NCOR1: variants seen among roughly 807,000 people sequenced by gnomAD.
The protein encoded by NCOR1 is protein phosphatase 1, regulatory subunit 109.
A neutral mutation model predicts 288.1 loss-of-function variants in NCOR1; 63 were observed. The observed-to-expected ratio is 0.22, with a 90% CI of 0.18 to 0.27. The LOEUF (loss-of-function observed/expected upper bound fraction) is 0.27, where lower values mean the gene tolerates loss of function less well. Ranked by LOEUF, NCOR1 falls within the 10% of genes least tolerant of loss-of-function variation. The pLI, the probability that NCOR1 is intolerant of heterozygous loss-of-function variation, is 1.00. For missense variants in NCOR1, 2,397 were observed against 3,019.2 expected, an observed-to-expected ratio of 0.79 and a Z score of 4.83; for synonymous variants, 1,007 against 1,065.9, an observed-to-expected ratio of 0.94 and a Z score of 1.08.
At position 16,149,292 on chromosome 17, in the gene NCOR1, C is replaced by CATATATATATATATAT. The variant is rs34511605; in HGVS notation, c.909+143_909+158dup. On this transcript the variant is annotated intron_variant, in intron 9 of 45. Coordinates refer to ENST00000268712, the MANE Select transcript of NCOR1 (RefSeq NM_006311.4). ...AATGTTACTAGAATTAGATTTAAGT[C>CATATATATATATATAT]ATATATATATATATATATATATATG... Among the ~76,000 whole-genome samples the CATATATATATATATAT allele has an allele frequency of 3.8e-3, 522 of 137,884 alleles. 5 individuals are homozygous for CATATATATATATATAT. The highest frequency in any genetic ancestry group is 0.013 in the African/African-American group (484 of 37,108). The allele number at this position is 137,884 out of a possible 152,430, so 90.5% of individuals were successfully genotyped here. A position where few individuals can be genotyped will look rare whatever the true frequency, so the allele number is the denominator to read the frequency against.
At chr17:16,201,326 C>CAGTG (rs2090774276) in intron 1 of NCOR1, among the ~76,000 whole-genome samples, 1 of 152,132 alleles carries the variant, frequency 6.6e-6, no homozygotes, top group South Asian at 2.1e-4. Flanking sequence ...TGGCCAGGCA[C>CAGTG]AGTGGCTCAC....
At chr17:16,051,640 G>A (rs1460177728) in intron 40 of NCOR1, among the ~76,000 whole-genome samples, 3 of 152,064 alleles carry the variant, frequency 2.0e-5, no homozygotes, top group Non-Finnish European at 2.9e-5. Flanking sequence ...CAGGGGGCGC[G>A]GTGGCTCACA....
intron 26 of NCOR1, among the ~76,000 whole-genome samples, chr17:16,078,298 G>C (rs1170165646): frequency 6.6e-6 from 1 of 152,180 alleles, no homozygotes. Flanking sequence ...AAAGCGATAA[G>C]AGACATACAC....
chr17:16,067,473 G>A (rs1326707613), intron 32 of NCOR1, among the ~76,000 whole-genome samples: 1 of 152,180 alleles, frequency 6.6e-6, no homozygotes, highest in African/African-American at 2.4e-5. Context: ...TTAAAAAAAA[G>A]AATTTCTTTT....
At chr17:16,068,619 A>G (rs961238658) in intron 31 of NCOR1, among the ~76,000 whole-genome samples, 1 of 150,060 alleles carries the variant, frequency 6.7e-6, no homozygotes, top group South Asian at 2.1e-4. Flanking sequence ...TCACCTCCCT[A>G]CTCCAGCCTC....
intron 21 of NCOR1, among the ~76,000 whole-genome samples, chr17:16,093,159 T>C (rs2065719845): frequency 6.6e-6 from 1 of 152,234 alleles, no homozygotes; most frequent in African/African-American, 2.4e-5. Context: ...TCAGAACTTA[T>C]GTTAAAGGGA....
intron 14 of NCOR1, among the ~76,000 whole-genome samples, chr17:16,127,713 G>GTA (rs376911267): frequency 7.3e-6 from 1 of 137,032 alleles, no homozygotes; most frequent in Non-Finnish European, 1.6e-5. Context: ...ATATGTGTGT[G>GTA]TATATATACA....
At chr17:16,167,140 G>T (rs1271260475) in intron 4 of NCOR1, among the ~76,000 whole-genome samples, 4 of 152,172 alleles carry the variant, frequency 2.6e-5, no homozygotes, top group African/African-American at 9.7e-5. Context: ...CTTCAAAAGT[G>T]CTCCTCAGGT....
At chr17:16,149,618 T>G in intron 8 of NCOR1, 101 bp from the exon 9 acceptor site, 1 of 476,570 alleles carries the variant, frequency 2.1e-6, no homozygotes. Context: ...CAAAGATCAC[T>G]TAAGAATTTA....
chr17:16,145,668 G>A (rs1383710534), intron 10 of NCOR1, among the ~76,000 whole-genome samples: 1 of 152,092 alleles, frequency 6.6e-6, no homozygotes, highest in East Asian at 1.9e-4. Context: ...CCCCTTCCGG[G>A]AGGTGGGGGG....
chr17:16,078,944 T>C (rs1395255099), intron 26 of NCOR1, among the ~76,000 whole-genome samples: 1 of 152,200 alleles, frequency 6.6e-6, no homozygotes, highest in Non-Finnish European at 1.5e-5. Flanking sequence ...CACAAGGAAG[T>C]AGTATGTAAA....
chr17:16,055,470 A>G (rs895843059), intron 40 of NCOR1, among the ~76,000 whole-genome samples: 6 of 152,236 alleles, frequency 3.9e-5, no homozygotes, highest in Admixed American at 3.9e-4. Context: ...CGGGAGCTAA[A>G]TGGTGAGAAC....
intron 3 of NCOR1, among the ~76,000 whole-genome samples, chr17:16,182,026 AT>A (rs1317154940): frequency 1.1e-4 from 17 of 152,212 alleles, no homozygotes; most frequent in African/African-American, 2.7e-4. Context: ...ATCAAAAAAA[AT>A]AATTTTAGAT....
intron 11 of NCOR1, among the ~76,000 whole-genome samples, chr17:16,142,302 C>T (rs929293176): frequency 6.6e-6 from 1 of 152,044 alleles, no homozygotes; most frequent in Admixed American, 6.6e-5. Flanking sequence ...TTTTGCAAAT[C>T]GAGTATTAAC....
At chr17:16,096,052 T>C (rs1383279489) in intron 21 of NCOR1, among the ~76,000 whole-genome samples, 1 of 152,144 alleles carries the variant, frequency 6.6e-6, no homozygotes, top group Non-Finnish European at 1.5e-5. Context: ...CTCTGAAACA[T>C]GTGCTGTGTC....
intron 10 of NCOR1, 92 bp downstream of exon 10, chr17:16,146,284 A>G (rs1248922729): frequency 1.7e-6 from 2 of 1,169,248 alleles, no homozygotes; most frequent in African/African-American, 3.1e-5. Context: ...ACACCCAAGA[A>G]TGATCAATAC....
intron 2 of NCOR1, among the ~76,000 whole-genome samples, chr17:16,191,466 T>G (rs2088274777): frequency 6.6e-6 from 1 of 152,210 alleles, no homozygotes; most frequent in Non-Finnish European, 1.5e-5. Flanking sequence ...AATGTTCATA[T>G]TCTCATCAAA....
At chr17:16,215,112 G>A (rs930273609) in intron 1 of NCOR1, among the ~76,000 whole-genome samples, 1 of 152,182 alleles carries the variant, frequency 6.6e-6, no homozygotes, top group African/African-American at 2.4e-5. Context: ...CCCGGCCACA[G>A]CCCATTCTTC....
intron 40 of NCOR1, among the ~76,000 whole-genome samples, chr17:16,050,134 C>G (rs1429862037): frequency 1.3e-5 from 2 of 151,984 alleles, no homozygotes; most frequent in Admixed American, 1.3e-4. Context: ...CACTATGTTG[C>G]TGACCTCAAA....
Sources: allele counts gnomAD v4.1 joint callset (sites outside exome capture counted in the v4.1 genomes callset), GRCh38; gene constraint gnomAD v4.1.1; transcripts MANE v1.5; gene names NCBI Gene and HGNC (gene_info 2026-07-23, HGNC 2026-07-21).